PRKG1: variants seen among roughly 807,000 people sequenced by gnomAD.
PRKG1 encodes protein kinase cGMP-dependent 1, also known as cGMP-dependent protein kinase 1.
A neutral mutation model predicts 88.1 loss-of-function variants in PRKG1; 35 were observed. That is an observed-to-expected ratio of 0.40 (90% CI 0.30 to 0.53). The LOEUF (loss-of-function observed/expected upper bound fraction) is 0.53, where lower values mean the gene tolerates loss of function less well. Ranked by LOEUF, PRKG1 falls within the 20% of genes least tolerant of loss-of-function variation. PRKG1 has a pLI of 0.59. For missense variants in PRKG1, 540 were observed against 839.8 expected (o/e 0.64, Z 4.41); for synonymous variants, 303 against 292.5 (o/e 1.04, Z -0.37).
intron 9 of PRKG1, among the ~76,000 whole-genome samples, chr10:52,229,059 C>G (rs1840463566): frequency 6.6e-6 from 1 of 152,032 alleles, no homozygotes; most frequent in Admixed American, 6.6e-5. Context: ...TTGATGGAGC[C>G]TAAAGATTAG....
At chr10:51,343,193 T>C (rs1209978556) in intron 2 of PRKG1, among the ~76,000 whole-genome samples, 1 of 152,238 alleles carries the variant, frequency 6.6e-6, no homozygotes, top group Non-Finnish European at 1.5e-5. Flanking sequence ...ATGTTGTCTA[T>C]ACTCTTTCTT....
intron 3 of PRKG1, among the ~76,000 whole-genome samples, chr10:51,470,754 T>C (rs758565077): frequency 6.6e-6 from 1 of 151,908 alleles, no homozygotes; most frequent in Non-Finnish European, 1.5e-5. Flanking sequence ...GTAGTTTTCT[T>C]ACTAAAGCTC....
In PRKG1 at chr10:52,044,724, T is replaced by A. The variant is rs113500203; in HGVS notation, c.763-9760T>A. Among the ~76,000 whole-genome samples, 17 of 152,288 alleles carry A rather than the reference T, an allele frequency of 1.1e-4. 1 individual carries two copies. The highest frequency in any genetic ancestry group is 3.4e-4 in the African/African-American group (14 of 41,580). ...TGTTTTCTGTTCTATTCCATTTTTTTAAAATGCTGTTTGCAGCCCTCTAAA... is the reference window on the plus strand; with the variant it reads ...TGTTTTCTGTTCTATTCCATTTTTTAAAAATGCTGTTTGCAGCCCTCTAAA... On this transcript the variant is annotated intron_variant, in intron 5 of 17. Transcript: ENST00000373980.
intron 3 of PRKG1, among the ~76,000 whole-genome samples, chr10:51,584,978 C>T (rs1308077653): frequency 6.6e-6 from 1 of 152,018 alleles, no homozygotes; most frequent in Non-Finnish European, 1.5e-5. Flanking sequence ...TTATGATTTA[C>T]CCCCGATAAG....
At chr10:51,843,093 C>CTTTTTTT (rs1167219822) in intron 4 of PRKG1, among the ~76,000 whole-genome samples, 2,611 of 87,764 alleles carry the variant, frequency 0.03, 102 homozygotes, top group Non-Finnish European at 0.037. Context: ...GAAAATTATT[C>CTTTTTTT]TTTTTTTTTT....
In PRKG1 at chr10:51,768,531, G is replaced by T. The variant is rs370420042; in HGVS notation, c.593-36054G>T. ...CTAAATTTTATAGGACATGCTGATG[G>T]TCTATAAATTTAAAACTTTTAGCTG... On this transcript the variant is annotated intron_variant, in intron 3 of 17. Transcript: ENST00000373980. Among the ~76,000 whole-genome samples, 12 of 152,240 alleles carry T rather than the reference G, an allele frequency of 7.9e-5. 1 individual carries two copies. The East Asian group carries it at 1.7e-3, about 22-fold the overall frequency.
intron 3 of PRKG1, among the ~76,000 whole-genome samples, chr10:51,468,561 G>A (rs1244949384): frequency 6.6e-6 from 1 of 151,752 alleles, no homozygotes; most frequent in Non-Finnish European, 1.5e-5. Context: ...TATAATGACT[G>A]TATAACAAAC....
chr10:50,993,578 C>T (rs1050718484), intron 1 of PRKG1, among the ~76,000 whole-genome samples: 2 of 152,220 alleles, frequency 1.3e-5, no homozygotes, highest in African/African-American at 2.4e-5. Context: ...ACTTCATCAG[C>T]GGTCACCCGG....
chr10:51,023,603 A>G (rs114329390), intron 1 of PRKG1, among the ~76,000 whole-genome samples: 6 of 152,324 alleles, frequency 3.9e-5, no homozygotes, highest in Middle Eastern at 3.4e-3. Flanking sequence ...GGAGTCTAGT[A>G]TATTAAATCA....
intron 2 of PRKG1, among the ~76,000 whole-genome samples, chr10:51,268,141 G>T (rs1183756384): frequency 6.6e-6 from 1 of 152,170 alleles, no homozygotes; most frequent in Non-Finnish European, 1.5e-5. Context: ...ATTTTCAAAA[G>T]GGGAGGGAGT....
chr10:51,232,812 C>T (rs1170005154), intron 2 of PRKG1, among the ~76,000 whole-genome samples: 1 of 152,170 alleles, frequency 6.6e-6, no homozygotes, highest in Non-Finnish European at 1.5e-5. Flanking sequence ...TAGAATCAAC[C>T]TGCCCCTACC....
At chr10:51,927,379 A>G (rs1033663695) in intron 5 of PRKG1, among the ~76,000 whole-genome samples, 9 of 152,178 alleles carry the variant, frequency 5.9e-5, no homozygotes, top group African/African-American at 2.2e-4. Flanking sequence ...CTCCAGCCAC[A>G]TGGAACTGTG....
At chr10:51,686,387 A>G (rs977778803) in intron 3 of PRKG1, among the ~76,000 whole-genome samples, 31 of 152,160 alleles carry the variant, frequency 2.0e-4, no homozygotes, top group African/African-American at 4.8e-4. Context: ...AAGTGAGAAC[A>G]TGCAGGATAT....
At chr10:52,253,543 C>T (rs1426474783) in intron 10 of PRKG1, 1 of 151,618 alleles carries the variant, frequency 6.6e-6, no homozygotes, top group Non-Finnish European at 1.5e-5. Flanking sequence ...CAAAAATTTG[C>T]ATGTGTGCTC....
chr10:51,723,293 A>G (rs1044208438), intron 3 of PRKG1, among the ~76,000 whole-genome samples: 21 of 152,204 alleles, frequency 1.4e-4, no homozygotes, highest in African/African-American at 4.8e-4. Flanking sequence ...CTATGCAGCC[A>G]TAAAAAGGAC....
chr10:51,385,818 A>C (rs1234338937), intron 2 of PRKG1, among the ~76,000 whole-genome samples: 3 of 152,224 alleles, frequency 2.0e-5, no homozygotes, highest in African/African-American at 7.2e-5. Context: ...AAAGGAGTAG[A>C]GGCCAAAAAG....
intron 3 of PRKG1, among the ~76,000 whole-genome samples, chr10:51,502,111 T>C (rs1278314191): frequency 1.3e-5 from 2 of 152,204 alleles, no homozygotes. Flanking sequence ...GAATATTTAA[T>C]GTCTGAATCC....
rs369670812 is a variant in PRKG1 at position 52,298,220 on chromosome 10, T to C, written c.*4320T>C. On this transcript the variant is annotated 3_prime_UTR_variant, in exon 18 of 18. Transcript: ENST00000373980. ...ATGGTCATTGACCACTTGCACTCTT[T>C]TGATGTAGATTAAAAACTTTTTCAT... 13 of 152,094 alleles carry C rather than the reference T, an allele frequency of 8.5e-5. No homozygotes were observed. In the East Asian group the frequency reaches 2.3e-3, roughly 27 times the overall value. The allele number at this position is 152,094 out of a possible 1,614,324, so 9.4% of individuals were successfully genotyped here. A position where few individuals can be genotyped will look rare whatever the true frequency, so the allele number is the denominator to read the frequency against.
intron 2 of PRKG1, among the ~76,000 whole-genome samples, chr10:51,451,204 AC>A (rs1839429098): frequency 6.6e-6 from 1 of 151,934 alleles, no homozygotes. Flanking sequence ...ATGTCTAATA[AC>A]TACCATGAGT....
Sources: allele counts gnomAD v4.1 joint callset (sites outside exome capture counted in the v4.1 genomes callset), GRCh38; gene constraint gnomAD v4.1.1; transcripts MANE v1.5; gene names NCBI Gene and HGNC (gene_info 2026-07-23, HGNC 2026-07-21).